KIF16B: variants seen among roughly 807,000 people sequenced by gnomAD.
KIF16B encodes kinesin family member 16B, also known as kinesin-like protein KIF16B.
In KIF16B, 98 loss-of-function variants were observed where a neutral mutation model predicts 156.3. That is an observed-to-expected ratio of 0.63 (90% CI 0.53 to 0.74). KIF16B has a LOEUF of 0.74. KIF16B is among the 30% of genes least tolerant of loss of function. KIF16B has a pLI of 0.00. For synonymous variants in KIF16B, 564 were observed against 583.7 expected (o/e 0.97, Z 0.49); for missense variants, 1,421 against 1,606.5 (o/e 0.88, Z 1.97).
At chr20:16,420,624 C>T (rs145023411) in intron 15 of KIF16B, among the ~76,000 whole-genome samples, 11 of 152,216 alleles carry the variant, frequency 7.2e-5, no homozygotes, top group African/African-American at 1.7e-4. Flanking sequence ...TGAGTTACCA[C>T]GCAGCCGCAG....
intron 25 of KIF16B, among the ~76,000 whole-genome samples, chr20:16,295,910 C>T (rs1286267249): frequency 6.6e-6 from 1 of 152,226 alleles, no homozygotes; most frequent in Non-Finnish European, 1.5e-5. Flanking sequence ...ACTCAGGCAT[C>T]ACTGGAAGGT....
At chr20:16,407,137 A>G (rs577813246) in intron 15 of KIF16B, among the ~76,000 whole-genome samples, 1 of 152,330 alleles carries the variant, frequency 6.6e-6, no homozygotes, top group East Asian at 1.9e-4. Flanking sequence ...ATGCCCAAGG[A>G]AAACAAAAGC....
chr20:16,513,096 A>G (rs2069012224), intron 4 of KIF16B, among the ~76,000 whole-genome samples, 173 bp from the exon 5 acceptor site: 1 of 152,232 alleles, frequency 6.6e-6, no homozygotes, highest in African/African-American at 2.4e-5. Flanking sequence ...CTCTGAAATG[A>G]GATGATTGAG....
intron 12 of KIF16B, 70 bp downstream of exon 12, chr20:16,494,221 A>G: frequency 2.7e-6 from 1 of 364,958 alleles, no homozygotes; most frequent in Non-Finnish European, 4.4e-6. Context: ...TTGGAGATTA[A>G]AAAAAAAAAA....
At chr20:16,520,323 G>A (rs2069297995) in intron 3 of KIF16B, among the ~76,000 whole-genome samples, 1 of 152,148 alleles carries the variant, frequency 6.6e-6, no homozygotes, top group Non-Finnish European at 1.5e-5. Context: ...GTGGACCTGG[G>A]ATGCTTGAGC....
Position 16,510,430 on chromosome 20 carries a change from T to A in KIF16B, c.556+988A>T, listed in dbSNP as rs1047361444. On this transcript the variant is annotated intron_variant, in intron 6 of 25. Coordinates refer to ENST00000354981, the MANE Select transcript of KIF16B (RefSeq NM_024704.5). ...ACATTGGGAAGCCGAGGCAGGTGGA[T>A]CATGAGGTCAGGAGTTCAAGACCAG... Among the ~76,000 whole-genome samples the A allele has an allele frequency of 2.6e-5, 4 of 152,086 alleles. No individual in the cohort carries two copies. The East Asian group carries it at 5.8e-4, about 22-fold the overall frequency.
At position 16,378,950 on chromosome 20, in the gene KIF16B, C is replaced by A; in HGVS notation, c.3052G>T (p.Ala1018Ser). 6.2e-7 allele frequency: 1 copy of A among 1,614,138 alleles called. No homozygotes were observed. Among genetic ancestry groups the A allele is most frequent in the Non-Finnish European group, 8.5e-7 (1 of 1,179,980 alleles). Reference sequence around the variant, plus strand: ...CCCAGGGTGGAGTGCCTCTGCAGCGCAGAATGTCTCCTCTCCAGCCTGGCC... The same window carrying A: ...CCCAGGGTGGAGTGCCTCTGCAGCGAAGAATGTCTCCTCTCCAGCCTGGCC... Reference protein sequence around the residue: ...ALARLERRHSALQRHSTLGME... With the variant: ...ALARLERRHSSLQRHSTLGME... The change falls in exon 19 of 26, where the codon GCG becomes TCG. Residue 1018 changes from alanine to serine, a missense_variant. Coordinates refer to ENST00000354981, the MANE Select transcript of KIF16B (RefSeq NM_024704.5).
chr20:16,475,966 G>A (rs6034488), intron 12 of KIF16B, among the ~76,000 whole-genome samples: 57,629 of 152,082 alleles, frequency 0.38, 12,525 homozygotes, highest in African/African-American at 0.6. Flanking sequence ...CATTCCAGCT[G>A]AATGATTACT....
chr20:16,368,870 T>A, intron 22 of KIF16B: 1 of 985,854 alleles, frequency 1.0e-6, no homozygotes, highest in Non-Finnish European at 1.2e-6. Flanking sequence ...GACTTGACTC[T>A]CAAGCCATGT....
chr20:16,557,468 C>CTGCACCTAGCCCACTGTGCAG (rs2070893274), intron 1 of KIF16B, among the ~76,000 whole-genome samples: 2 of 152,296 alleles, frequency 1.3e-5, no homozygotes, highest in South Asian at 4.1e-4. Flanking sequence ...GCATGAGTCA[C>CTGCACCTAGCCCACTGTGCAG]TGCACCTAGC....
chr20:16,346,731 G>T (rs1281337335), intron 23 of KIF16B, among the ~76,000 whole-genome samples: 1 of 152,210 alleles, frequency 6.6e-6, no homozygotes, highest in Non-Finnish European at 1.5e-5. Flanking sequence ...AAGGCCCTGA[G>T]AATCTGGGAG....
At chr20:16,549,045 T>G (rs6044108) in intron 1 of KIF16B, among the ~76,000 whole-genome samples, 5,729 of 151,938 alleles carry the variant, frequency 0.038, 167 homozygotes, top group African/African-American at 0.074. Flanking sequence ...TCGTTAGTTT[T>G]TTTTTTAATT....
At chr20:16,400,443 T>C (rs756801786) in intron 17 of KIF16B, among the ~76,000 whole-genome samples, 5 of 152,092 alleles carry the variant, frequency 3.3e-5, no homozygotes, top group African/African-American at 4.8e-5. Context: ...TTGTGGAAAA[T>C]AGCATAGCAG....
chr20:16,399,768 G>T lies in KIF16B; in HGVS notation c.1784+5045C>A, dbSNP rs143689927. 1.1e-3 allele frequency among the ~76,000 whole-genome samples: 161 copies of T among 152,232 alleles called. 2 individuals carry two copies. The highest frequency in any genetic ancestry group is 9.2e-3 in the Admixed American group (140 of 15,286). On this transcript the variant is annotated intron_variant, in intron 17 of 25. Coordinates refer to ENST00000354981, the MANE Select transcript of KIF16B (RefSeq NM_024704.5). ...TCCTCCCATATTTCTGTTTCAGCTGGGTGGCAAGCAGCACCCAACCAGTTA... is the reference window on the plus strand; with the variant it reads ...TCCTCCCATATTTCTGTTTCAGCTGTGTGGCAAGCAGCACCCAACCAGTTA...
chr20:16,372,111 G>C (rs1391695892), intron 20 of KIF16B, among the ~76,000 whole-genome samples: 2 of 152,130 alleles, frequency 1.3e-5, no homozygotes, highest in South Asian at 4.1e-4. Flanking sequence ...CTGATGCCAA[G>C]ACAGAATATT....
intron 23 of KIF16B, among the ~76,000 whole-genome samples, chr20:16,342,591 A>G (rs987189543): frequency 2.0e-5 from 3 of 152,238 alleles, no homozygotes; most frequent in African/African-American, 7.2e-5. Flanking sequence ...CTGTAAAAAA[A>G]AACTGCAGAG....
At chr20:16,346,700 G>A (rs2064240594) in intron 23 of KIF16B, among the ~76,000 whole-genome samples, 1 of 152,190 alleles carries the variant, frequency 6.6e-6, no homozygotes, top group South Asian at 2.1e-4. Context: ...TAGTTTGAAG[G>A]TAAATTTAAT....
rs758189727 is a variant in KIF16B at position 16,374,343 on chromosome 20, A to G, written c.3264T>C (p.His1088=). 6.2e-7 allele frequency: 1 copy of G among 1,607,858 alleles called. No individual in the cohort carries two copies. The highest frequency in any genetic ancestry group is 1.3e-5 in the African/African-American group (1 of 74,940). Residue 1088 remains histidine, a synonymous_variant, in exon 20 of 26, where the codon CAT becomes CAC. Transcript: ENST00000354981. ...IYEVDGVQKD[H]HGTLEGKVAS... is the part of the protein sequence containing the mutation. ...CCACCTTCCCTTCCAGGGTCCCATG[A>G]TGATCTTTTTGAACACCATCGACCT...
At chr20:16,501,474 CTCT>C (rs1304958501) in intron 10 of KIF16B, among the ~76,000 whole-genome samples, 2 of 151,776 alleles carry the variant, frequency 1.3e-5, no homozygotes, top group Admixed American at 1.3e-4. Context: ...ATATGTACTC[CTCT>C]GACTCACCAA....
Sources: allele counts gnomAD v4.1 joint callset (sites outside exome capture counted in the v4.1 genomes callset), GRCh38; gene constraint gnomAD v4.1.1; transcripts MANE v1.5; gene names NCBI Gene and HGNC (gene_info 2026-07-23, HGNC 2026-07-21).